ASIC2: variants seen among roughly 807,000 people sequenced by gnomAD.
The protein encoded by ASIC2 is acid-sensing ion channel 2.
ASIC2 carries 25 observed loss-of-function variants against 57.3 expected under a neutral mutation model. The observed-to-expected ratio is 0.44, with a 90% CI of 0.32 to 0.61. The LOEUF is 0.61. Among genes scored for constraint, ASIC2 ranks in the 20% least tolerant of loss-of-function variants. ASIC2 has a pLI of 0.06. For missense variants in ASIC2, 641 were observed against 738.1 expected (o/e 0.87, Z 1.52); for synonymous variants, 319 against 307.5 (o/e 1.04, Z -0.39).
intron 1 of ASIC2, among the ~76,000 whole-genome samples, chr17:34,041,721 A>G (rs1775156818): frequency 6.6e-6 from 1 of 152,210 alleles, no homozygotes; most frequent in Non-Finnish European, 1.5e-5. Flanking sequence ...CTGGCAAAGA[A>G]ACAAAGACTT....
At chr17:33,668,389 C>T (rs1442266636) in intron 1 of ASIC2, among the ~76,000 whole-genome samples, 1 of 145,604 alleles carries the variant, frequency 6.9e-6, no homozygotes, top group Non-Finnish European at 1.5e-5. Context: ...AAAATCCATG[C>T]TTGCCTTTTC....
At chr17:33,091,450 C>A (rs571885779) in intron 2 of ASIC2, among the ~76,000 whole-genome samples, 1 of 152,128 alleles carries the variant, frequency 6.6e-6, no homozygotes, top group African/African-American at 2.4e-5. Context: ...TAGCTGAAGC[C>A]GTGTGTGCCT....
At chr17:33,669,581 C>G (rs1907582321) in intron 1 of ASIC2, among the ~76,000 whole-genome samples, 1 of 152,188 alleles carries the variant, frequency 6.6e-6, no homozygotes, top group South Asian at 2.1e-4. Flanking sequence ...TGAGGTCTCT[C>G]TAGCTACACC....
intron 1 of ASIC2, among the ~76,000 whole-genome samples, chr17:33,600,638 A>G (rs9915164): frequency 0.039 from 5,949 of 152,234 alleles, 369 homozygotes; most frequent in African/African-American, 0.13. Context: ...TAATTTTTGC[A>G]ATCAGACCTT....
intron 1 of ASIC2, among the ~76,000 whole-genome samples, chr17:34,080,273 A>C (rs1192315716): frequency 6.6e-6 from 1 of 152,220 alleles, no homozygotes; most frequent in East Asian, 1.9e-4. Flanking sequence ...ACCTTCATAT[A>C]GGTTGCAATG....
chr17:33,704,620 C>G (rs1908808684), intron 1 of ASIC2, among the ~76,000 whole-genome samples: 1 of 152,130 alleles, frequency 6.6e-6, no homozygotes, highest in African/African-American at 2.4e-5. Context: ...GGATAAGAAC[C>G]AAGGTATCAC....
At chr17:33,979,831 C>T (rs1905546924) in intron 1 of ASIC2, among the ~76,000 whole-genome samples, 1 of 152,160 alleles carries the variant, frequency 6.6e-6, no homozygotes, top group African/African-American at 2.4e-5. Flanking sequence ...TCAATTTCTG[C>T]TTACACACCT....
chr17:34,004,817 T>A (rs1248131351), intron 1 of ASIC2: 1 of 151,634 alleles, frequency 6.6e-6, no homozygotes, highest in African/African-American at 2.4e-5. Context: ...ACAGTGCATT[T>A]CTGCACACAA....
At chr17:33,131,284 T>C (rs2092345161) in intron 1 of ASIC2, among the ~76,000 whole-genome samples, 1 of 152,180 alleles carries the variant, frequency 6.6e-6, no homozygotes, top group Non-Finnish European at 1.5e-5. Flanking sequence ...TAGACCCTTC[T>C]ATTGATAAAA....
At chr17:34,055,452 AAAATGTAC>A (rs1908731971) in intron 1 of ASIC2, among the ~76,000 whole-genome samples, 3 of 152,302 alleles carry the variant, frequency 2.0e-5, no homozygotes, top group Middle Eastern at 3.4e-3. Context: ...TACTTACAAT[AAAATGTAC>A]AAATCCTAAT....
At chr17:33,822,109 C>T (rs1912761591) in intron 1 of ASIC2, among the ~76,000 whole-genome samples, 1 of 152,172 alleles carries the variant, frequency 6.6e-6, no homozygotes, top group Non-Finnish European at 1.5e-5. Flanking sequence ...AATGACATAA[C>T]CTACTTCCTG....
chr17:33,993,250 C>T (rs1276137005), intron 1 of ASIC2, among the ~76,000 whole-genome samples: 1 of 152,186 alleles, frequency 6.6e-6, no homozygotes, highest in Admixed American at 6.5e-5. Context: ...AGTAAGGTTA[C>T]AAGGAGGTAC....
At chr17:34,146,310 TC>T (rs1424479706) in intron 1 of ASIC2, among the ~76,000 whole-genome samples, 3 of 152,142 alleles carry the variant, frequency 2.0e-5, no homozygotes, top group African/African-American at 4.8e-5. Flanking sequence ...CAGACTTAGG[TC>T]CACATGCCTA....
At position 33,712,092 on chromosome 17, in the gene ASIC2, C is replaced by A. The variant is rs115225305; in HGVS notation, c.555+443886G>T. On this transcript the variant is annotated intron_variant, in intron 1 of 9. Coordinates refer to the ASIC2 transcript ENST00000359872. ...ATTCCCAAGAGTGAATATAGGAAAA[C>A]CTTTGGAGAAGTTACTGAGTCTAAA... Among the ~76,000 whole-genome samples, 517 of 152,226 alleles carry A rather than the reference C, an allele frequency of 3.4e-3. 2 individuals are homozygous for A. Among genetic ancestry groups the A allele is most frequent in the African/African-American group, 0.012 (492 of 41,528 alleles).
chr17:33,922,103 T>C (rs1567756865), intron 1 of ASIC2, among the ~76,000 whole-genome samples: 1 of 152,260 alleles, frequency 6.6e-6, no homozygotes, highest in East Asian at 1.9e-4. Flanking sequence ...CGGGCAGGAA[T>C]TTGGCAATGT....
chr17:33,664,291 G>C (rs1907399876), intron 1 of ASIC2, among the ~76,000 whole-genome samples: 1 of 152,178 alleles, frequency 6.6e-6, no homozygotes, highest in African/African-American at 2.4e-5. Context: ...CAAGGAAGTG[G>C]TCTCTGGCCA....
At chr17:34,009,597 A>G (rs1466203204) in intron 1 of ASIC2, among the ~76,000 whole-genome samples, 1 of 152,254 alleles carries the variant, frequency 6.6e-6, no homozygotes, top group African/African-American at 2.4e-5. Context: ...GAAAAATTTG[A>G]ATCACATATG....
intron 1 of ASIC2, among the ~76,000 whole-genome samples, chr17:33,394,266 G>A (rs571057491): frequency 6.6e-6 from 1 of 152,308 alleles, no homozygotes; most frequent in Middle Eastern, 3.4e-3. Context: ...TGTTATAGAG[G>A]GTAGTGTAGG....
chr17:33,107,929 A>G (rs1344348199), intron 2 of ASIC2, among the ~76,000 whole-genome samples: 4 of 152,256 alleles, frequency 2.6e-5, no homozygotes, highest in Middle Eastern at 3.4e-3. Flanking sequence ...CCAGATGTTG[A>G]GGTGCTGCAG....
Sources: gnomAD v4.1 joint callset for allele counts (sites outside exome capture counted in the v4.1 genomes callset) on GRCh38, gnomAD v4.1.1 for gene constraint, MANE v1.5 for transcripts, NCBI Gene and HGNC (gene_info 2026-07-23, HGNC 2026-07-21) for gene names.